The following DPP10 variants were observed in gnomAD, a reference collection of about 807,000 sequenced individuals.
The protein encoded by DPP10 is inactive dipeptidyl peptidase 10.
A neutral mutation model predicts 120.9 loss-of-function variants in DPP10; 33 were observed. The ratio of observed to expected loss-of-function variants is 0.27; its 90% CI spans 0.21 to 0.37. The LOEUF is 0.37. DPP10 is among the 10% of genes least tolerant of loss of function. The pLI, the probability that DPP10 is intolerant of heterozygous loss-of-function variation, is 1.00. For synonymous variants in DPP10, 337 were observed against 326.1 expected, an observed-to-expected ratio of 1.03 and a Z score of -0.36; for missense variants, 816 against 942.8, an observed-to-expected ratio of 0.87 and a Z score of 1.76.
chr2:115,838,054 A>G (rs188121402), intron 24 of DPP10, among the ~76,000 whole-genome samples: 11 of 152,288 alleles, frequency 7.2e-5, no homozygotes, highest in African/African-American at 2.6e-4. Flanking sequence ...TATTTGTGAC[A>G]AAGTATATAA....
chr2:114,732,292 T>C (rs1481351152), intron 1 of DPP10, among the ~76,000 whole-genome samples: 2 of 152,204 alleles, frequency 1.3e-5, no homozygotes, highest in Non-Finnish European at 1.5e-5. Context: ...TTTAGTCATA[T>C]GGAGCATGCA....
At chr2:115,773,306 A>C (rs372566007) in intron 13 of DPP10, among the ~76,000 whole-genome samples, 5 of 152,156 alleles carry the variant, frequency 3.3e-5, no homozygotes, top group Admixed American at 3.3e-4. Flanking sequence ...ACTTGTATTG[A>C]TACCCAATGT....
At chr2:115,110,840 A>G (rs1411442821) in intron 1 of DPP10, among the ~76,000 whole-genome samples, 1 of 152,192 alleles carries the variant, frequency 6.6e-6, no homozygotes, top group African/African-American at 2.4e-5. Context: ...GTTTAATGAC[A>G]TAGTGACTTA....
intron 1 of DPP10, among the ~76,000 whole-genome samples, chr2:115,202,723 TG>T (rs1456122745): frequency 2.6e-5 from 4 of 152,196 alleles, no homozygotes; most frequent in Non-Finnish European, 5.9e-5. Context: ...CTGTTTAATA[TG>T]GACATGTGGC....
intron 21 of DPP10, among the ~76,000 whole-genome samples, chr2:115,832,416 G>C (rs1349558112): frequency 6.6e-6 from 1 of 152,292 alleles, no homozygotes; most frequent in Middle Eastern, 3.4e-3. Context: ...CTTAAGCCTG[G>C]GAGGCAGCGG....
At chr2:115,662,441 T>TA (rs1436438474) in intron 5 of DPP10, among the ~76,000 whole-genome samples, 1 of 151,774 alleles carries the variant, frequency 6.6e-6, no homozygotes, top group Non-Finnish European at 1.5e-5. Context: ...TTTATTTTTT[T>TA]TTTTTAGCAA....
intron 3 of DPP10, among the ~76,000 whole-genome samples, chr2:115,374,833 C>T (rs1432853367): frequency 6.6e-6 from 1 of 152,174 alleles, no homozygotes; most frequent in East Asian, 1.9e-4. Context: ...AACTGGAGTG[C>T]TGGGATGTAG....
intron 1 of DPP10, among the ~76,000 whole-genome samples, chr2:114,576,888 G>GT (rs1419197631): frequency 2.0e-5 from 3 of 150,730 alleles, no homozygotes; most frequent in African/African-American, 7.3e-5. Context: ...TTTTTTGTTT[G>GT]TTTTTTGTTT....
At chr2:114,526,591 G>T (rs1685519207) in intron 1 of DPP10, among the ~76,000 whole-genome samples, 1 of 152,120 alleles carries the variant, frequency 6.6e-6, no homozygotes, top group African/African-American at 2.4e-5. Context: ...GTTATTTCTT[G>T]CAGTTCTGGA....
intron 3 of DPP10, among the ~76,000 whole-genome samples, chr2:115,384,563 AAG>A (rs1395238044): frequency 5.9e-4 from 87 of 147,820 alleles, no homozygotes; most frequent in Non-Finnish European, 1.1e-3. Flanking sequence ...GAAGAGGAAG[AAG>A]AAGAAGAAGA....
intron 3 of DPP10, among the ~76,000 whole-genome samples, chr2:115,435,051 C>CATATATAT (rs58828924): frequency 2.8e-4 from 41 of 148,192 alleles, no homozygotes; most frequent in Non-Finnish European, 3.7e-4. Flanking sequence ...CACATGCACA[C>CATATATAT]ATATATATAT....
intron 1 of DPP10, among the ~76,000 whole-genome samples, chr2:114,578,590 C>T (rs1488956853): frequency 6.6e-6 from 1 of 152,232 alleles, no homozygotes; most frequent in East Asian, 1.9e-4. Context: ...TAGCCAACTC[C>T]ATCTAAACTT....
chr2:114,835,835 A>G (rs1231413904), intron 1 of DPP10, among the ~76,000 whole-genome samples: 2 of 152,258 alleles, frequency 1.3e-5, no homozygotes, highest in African/African-American at 4.8e-5. Context: ...AGAAAGGGAA[A>G]AAAGACTATA....
chr2:114,507,552 C>T (rs1172153043), intron 1 of DPP10, among the ~76,000 whole-genome samples: 2 of 152,110 alleles, frequency 1.3e-5, no homozygotes, highest in Admixed American at 6.5e-5. Context: ...AGTCCAGTAT[C>T]ACTGTGATTT....
intron 1 of DPP10, among the ~76,000 whole-genome samples, chr2:115,044,854 A>G (rs1483596079): frequency 6.6e-6 from 1 of 152,146 alleles, no homozygotes; most frequent in Non-Finnish European, 1.5e-5. Flanking sequence ...GATCCCACAA[A>G]TAAGTGACAG....
intron 5 of DPP10, among the ~76,000 whole-genome samples, chr2:115,550,132 A>C (rs1322234598): frequency 6.6e-6 from 1 of 152,170 alleles, no homozygotes; most frequent in African/African-American, 2.4e-5. Flanking sequence ...TGAAAGAATA[A>C]ATGCTAGTCA....
At chr2:114,763,740 G>T (rs1460731754) in intron 1 of DPP10, among the ~76,000 whole-genome samples, 1 of 152,126 alleles carries the variant, frequency 6.6e-6, no homozygotes, top group Non-Finnish European at 1.5e-5. Context: ...AATGGGGGAG[G>T]GAGAATCAGC....
chr2:115,256,006 G>A (rs1003996162), intron 1 of DPP10, among the ~76,000 whole-genome samples: 2 of 152,042 alleles, frequency 1.3e-5, no homozygotes, highest in Non-Finnish European at 2.9e-5. Flanking sequence ...GTCTCTTTAC[G>A]GCAGCACCCA....
chr2:115,323,280 A>G (rs559301309), intron 2 of DPP10, among the ~76,000 whole-genome samples: 93 of 152,322 alleles, frequency 6.1e-4, no homozygotes, highest in Admixed American at 1.3e-3. Flanking sequence ...CACTTCATCC[A>G]TAAGAAAAAA....
Sources: allele counts gnomAD v4.1 joint callset (sites outside exome capture counted in the v4.1 genomes callset), GRCh38; gene constraint gnomAD v4.1.1; transcripts MANE v1.5; gene names NCBI Gene and HGNC (gene_info 2026-07-23, HGNC 2026-07-21).